The following PEMT variants were observed in gnomAD, a reference collection of about 807,000 sequenced individuals.
PEMT encodes the protein phosphatidylethanolamine N-methyltransferase, also known as phospholipid methyltransferase.
PEMT carries 23 observed loss-of-function variants against 27.4 expected under a neutral mutation model. The observed-to-expected ratio is 0.84, with a 90% CI of 0.60 to 1.19. PEMT has a LOEUF of 1.19. PEMT is among the 50% of genes most tolerant of loss of function. PEMT has a pLI of 0.00. For synonymous variants in PEMT, 137 were observed against 139.1 expected (o/e 0.98, Z 0.11); for missense variants, 307 against 310.1 (o/e 0.99, Z 0.07).
intron 2 of PEMT, among the ~76,000 whole-genome samples, chr17:17,568,957 T>C (rs1336160162): frequency 6.6e-6 from 1 of 151,906 alleles, no homozygotes; most frequent in Non-Finnish European, 1.5e-5. Flanking sequence ...AGGTCAAACA[T>C]CCAGGCCCAG....
chr17:17,542,497 C>T (rs972422912), intron 2 of PEMT, among the ~76,000 whole-genome samples: 18 of 152,322 alleles, frequency 1.2e-4, no homozygotes, highest in African/African-American at 3.8e-4. Context: ...AACTACCCTC[C>T]TGGCTAACGC....
intron 2 of PEMT, among the ~76,000 whole-genome samples, chr17:17,573,031 A>G (rs60456540): frequency 0.028 from 4,226 of 152,136 alleles, 149 homozygotes; most frequent in African/African-American, 0.083. Flanking sequence ...TCTACTAAAA[A>G]TACAAAAATT....
In PEMT at chr17:17,561,103, A is replaced by G. The variant is rs1910441328; in HGVS notation, c.204+15817T>C. On this transcript the variant is annotated intron_variant, in intron 2 of 6. Coordinates refer to ENST00000255389, the MANE Select transcript of PEMT (RefSeq NM_148172.3). This position sits in a 1 kb window ranked among gnomAD's most constrained non-coding sequence, Gnocchi z 4.5. ...TGCCTCAGGTTCCAGGGAGTCTCAC[A>G]TGATGGGCAGGACCCACACACACCA... is the stretch of plus-strand genomic sequence containing the variant. Among the ~76,000 whole-genome samples, 1 of 151,974 alleles carries G rather than the reference A, an allele frequency of 6.6e-6. No individual in the cohort carries two copies. Among genetic ancestry groups the G allele is most frequent in the Admixed American group, 6.6e-5 (1 of 15,262 alleles).
chr17:17,586,260 G>GAAAGAAAGAAAGAAAGAAAT (rs1912279192), intron 1 of PEMT, among the ~76,000 whole-genome samples: 14 of 107,366 alleles, frequency 1.3e-4, no homozygotes, highest in Non-Finnish European at 1.3e-4. Flanking sequence ...AAGAAAGAAA[G>GAAAGAAAGAAAGAAAGAAAT]AAAGAAAGAA....
chr17:17,566,905 G>A (rs1203531966), intron 2 of PEMT, among the ~76,000 whole-genome samples: 1 of 152,190 alleles, frequency 6.6e-6, no homozygotes, highest in Admixed American at 6.5e-5. Flanking sequence ...AGTAACTAAG[G>A]CAGCCTGGGT....
intron 2 of PEMT, among the ~76,000 whole-genome samples, chr17:17,565,078 C>T (rs1173664498): frequency 6.6e-6 from 1 of 152,186 alleles, no homozygotes; most frequent in Non-Finnish European, 1.5e-5. Context: ...GCTGGGGAAT[C>T]TCTGCAGGCT....
At chr17:17,576,882 G>C in intron 2 of PEMT, 38 bp downstream of exon 2, 2 of 1,538,082 alleles carry the variant, frequency 1.3e-6, no homozygotes, top group Non-Finnish European at 1.8e-6. Flanking sequence ...CAAGCAGTGA[G>C]ATACTCCCGT....
At chr17:17,553,319 A>T (rs1909796996) in intron 2 of PEMT, among the ~76,000 whole-genome samples, 1 of 152,170 alleles carries the variant, frequency 6.6e-6, no homozygotes, top group African/African-American at 2.4e-5. Context: ...TCCGCCCAGA[A>T]CTTGGCTGCG....
chr17:17,555,404 A>G lies in PEMT; in HGVS notation c.204+21516T>C, dbSNP rs1245452376. ...GCCCACCTCCCGAGCCTCGGCTCCC[A>G]CCTGTCACAGTGTGCTGCCCTGGAC... On this transcript the variant is annotated intron_variant, in intron 2 of 6. Coordinates refer to ENST00000255389, the MANE Select transcript of PEMT (RefSeq NM_148172.3). Among the ~76,000 whole-genome samples, 5 of 152,270 alleles carry G rather than the reference A, an allele frequency of 3.3e-5. No homozygotes were observed. In the East Asian group the frequency reaches 7.7e-4, roughly 24 times the overall value.
intron 2 of PEMT, among the ~76,000 whole-genome samples, chr17:17,562,205 G>A (rs1910533805): frequency 6.6e-6 from 1 of 152,272 alleles, no homozygotes; most frequent in South Asian, 2.1e-4. Context: ...GACAAGTCAA[G>A]TGACTTCTCG....
intron 2 of PEMT, among the ~76,000 whole-genome samples, chr17:17,546,005 TG>T (rs754886606): frequency 6.6e-6 from 1 of 152,226 alleles, no homozygotes; most frequent in Non-Finnish European, 1.5e-5. Context: ...CTTCTGTCCC[TG>T]GGCCACCTTG....
intron 2 of PEMT, among the ~76,000 whole-genome samples, chr17:17,556,720 A>T (rs1910080947): frequency 6.6e-6 from 1 of 152,112 alleles, no homozygotes; most frequent in South Asian, 2.1e-4. Flanking sequence ...GGGCTGTCTG[A>T]AGCCTCCTCC....
At chr17:17,584,314 C>A (rs1161829112) in intron 1 of PEMT, among the ~76,000 whole-genome samples, 1 of 152,198 alleles carries the variant, frequency 6.6e-6, no homozygotes, top group Non-Finnish European at 1.5e-5. Context: ...CGCCCGCCAC[C>A]ATGCCCAGCT....
chr17:17,573,566 G>A (rs1035961505), intron 2 of PEMT, among the ~76,000 whole-genome samples: 1 of 152,050 alleles, frequency 6.6e-6, no homozygotes, highest in African/African-American at 2.4e-5. Flanking sequence ...CACTGTCTTG[G>A]GTATGATAAG....
intron 1 of PEMT, among the ~76,000 whole-genome samples, chr17:17,587,833 G>A (rs11653284): frequency 3.9e-5 from 6 of 152,126 alleles, no homozygotes; most frequent in Non-Finnish European, 8.8e-5. Flanking sequence ...CTGGTATCAC[G>A]CCACTGCATT....
intron 2 of PEMT, chr17:17,570,743 C>T (rs750445489): frequency 9.1e-6 from 9 of 985,450 alleles, no homozygotes; most frequent in Non-Finnish European, 1.1e-5. Flanking sequence ...GACCTCTGAG[C>T]ATGGCCCTCA....
intron 2 of PEMT, among the ~76,000 whole-genome samples, chr17:17,560,261 G>T (rs907527393): frequency 1.3e-5 from 2 of 152,222 alleles, no homozygotes; most frequent in Non-Finnish European, 1.5e-5. Flanking sequence ...AACATGCCTG[G>T]GTGCAGGAGA....
intron 2 of PEMT, among the ~76,000 whole-genome samples, chr17:17,575,953 G>A (rs1057115747): frequency 1.3e-5 from 2 of 152,166 alleles, no homozygotes; most frequent in African/African-American, 2.4e-5. Flanking sequence ...GGGATCAAGG[G>A]TTCACCTTAA....
chr17:17,547,830 G>A (rs149456528), intron 2 of PEMT, among the ~76,000 whole-genome samples: 3 of 152,340 alleles, frequency 2.0e-5, no homozygotes, highest in Non-Finnish European at 4.4e-5. Context: ...AGTGTAAGGT[G>A]TCTGCATGAC....
Sources: allele counts gnomAD v4.1 joint callset (sites outside exome capture counted in the v4.1 genomes callset), GRCh38; gene constraint gnomAD v4.1.1; non-coding constraint Gnocchi (gnomAD v3.1); transcripts MANE v1.5; gene names NCBI Gene and HGNC (gene_info 2026-07-23, HGNC 2026-07-21).